The following UBAP2L variants were observed in gnomAD, a reference collection of about 807,000 sequenced individuals.
UBAP2L encodes ubiquitin associated protein 2 like, also known as ubiquitin-associated protein 2-like.
A neutral mutation model predicts 130.6 loss-of-function variants in UBAP2L; 12 were observed. The observed-to-expected ratio is 0.09, with a 90% CI of 0.06 to 0.15. The LOEUF is 0.15. UBAP2L is among the 10% of genes least tolerant of loss of function. The pLI is 1.00. For synonymous variants in UBAP2L, 503 were observed against 524.7 expected, an observed-to-expected ratio of 0.96 and a Z score of 0.57; for missense variants, 965 against 1,332.5, an observed-to-expected ratio of 0.72 and a Z score of 4.29.
In UBAP2L at chr1:154,259,021, A is replaced by G. The variant is rs771492252; in HGVS notation, c.2487A>G (p.Arg829=). The change falls in exon 21 of 27, where the codon AGA becomes AGG. Residue 829 remains arginine, a synonymous_variant. Coordinates refer to ENST00000428931, the MANE Select transcript of UBAP2L (RefSeq NM_014847.4). ...GYDDLQMLQT[R]FPLDYYSIPF... is the part of the protein sequence containing the mutation. ...ATGACTTGCAGATGCTTCAGACAAG[A>G]TTTCCATTGGTGAGTATGTGGGATA... is the stretch of plus-strand genomic sequence containing the variant. 6.2e-7 allele frequency: 1 copy of G among 1,613,958 alleles called. No homozygotes were observed.
At chr1:154,270,880 G>C (rs1207165187), downstream of UBAP2L, 1 of 1,541,088 alleles carries the variant, frequency 6.5e-7, no homozygotes. Context: ...GCTCCGTCTA[G>C]GACATCCTCA....
rs778505354 is a variant in UBAP2L, at chr1:154,261,049, A to G, written c.2736A>G (p.Pro912=). The part of the protein sequence containing the change: ...LPPGYSYTSL[P]YYTGVPGLPS... ...CTGGCTACAGTTACACCAGCCTGCC[A>G]TACTATACAGGGGTCCCGGGCCTCC... is the stretch of plus-strand genomic sequence containing the variant. Residue 912 remains proline (P), a synonymous_variant, in exon 23 of 27, where the codon CCA becomes CCG. Coordinates refer to ENST00000428931, the MANE Select transcript of UBAP2L (RefSeq NM_014847.4). 1.6e-5 allele frequency: 26 copies of G among 1,614,086 alleles called. No homozygotes were observed. Among genetic ancestry groups the G allele is most frequent in the Admixed American group, 6.7e-5 (4 of 60,002 alleles).
Position 154,231,620 on chromosome 1 carries a change from A to C in UBAP2L, c.279+2895A>C, listed in dbSNP as rs1322192558. On this transcript the variant is annotated intron_variant, in intron 4 of 26. Coordinates refer to ENST00000428931, the MANE Select transcript of UBAP2L (RefSeq NM_014847.4). Reference sequence around the variant, plus strand: ...CCGGCCCTGTTTTCTATTTCTATGAATTTGCCTGTTTTAGAGATCTCATGT... The same window carrying C: ...CCGGCCCTGTTTTCTATTTCTATGACTTTGCCTGTTTTAGAGATCTCATGT... Among the ~76,000 whole-genome samples, 5 of 152,056 alleles carry C rather than the reference A, an allele frequency of 3.3e-5. No homozygotes were observed. The East Asian group carries it at 9.7e-4, about 29-fold the overall frequency.
intron 25 of UBAP2L, among the ~76,000 whole-genome samples, 162 bp from the exon 26 acceptor site, chr1:154,268,595 G>A (rs1487989423): frequency 1.3e-5 from 2 of 152,202 alleles, no homozygotes; most frequent in Non-Finnish European, 2.9e-5. Context: ...TCTTAAATAA[G>A]AGCAGAGCTG....
At chr1:154,259,199 CT>C (rs34806160) in intron 21 of UBAP2L, among the ~76,000 whole-genome samples, 169 bp downstream of exon 21, 4 of 149,740 alleles carry the variant, frequency 2.7e-5, no homozygotes, top group East Asian at 2.0e-4. Context: ...CAGAAGATAA[CT>C]TTTTTTTTTG....
intron 25 of UBAP2L, among the ~76,000 whole-genome samples, chr1:154,267,716 ACTC>A (rs1447891207): frequency 1.3e-5 from 2 of 150,754 alleles, no homozygotes; most frequent in Non-Finnish European, 3.0e-5. Context: ...CTCGTCTCGA[ACTC>A]CTGGGCTCAA....
At chr1:154,222,990 A>G (rs180698772) in intron 1 of UBAP2L, among the ~76,000 whole-genome samples, 3 of 152,328 alleles carry the variant, frequency 2.0e-5, no homozygotes, top group Non-Finnish European at 2.9e-5. Flanking sequence ...AGAGCAAGTA[A>G]GTAACAAGAT....
chr1:154,261,485 C>A, intron 23 of UBAP2L, 107 bp from the exon 24 acceptor site: 2 of 1,048,846 alleles, frequency 1.9e-6, no homozygotes, highest in Non-Finnish European at 1.5e-6. Context: ...AGTCAACTTG[C>A]ATCAGGATAG....
intron 6 of UBAP2L, among the ~76,000 whole-genome samples, chr1:154,236,023 C>T (rs1671554963): frequency 6.6e-6 from 1 of 152,168 alleles, no homozygotes; most frequent in African/African-American, 2.4e-5. Flanking sequence ...GTCATTTCCT[C>T]TAGTCTTTAT....
chr1:154,244,500 G>T (rs780319250), intron 10 of UBAP2L, among the ~76,000 whole-genome samples: 19 of 152,014 alleles, frequency 1.2e-4, no homozygotes, highest in Admixed American at 3.3e-4. Context: ...AGCCTCCCTA[G>T]TATCTGGGAT....
chr1:154,248,940 A>G lies in UBAP2L; in HGVS notation c.1015-299A>G, dbSNP rs142343291. On this transcript the variant is annotated intron_variant, in intron 11 of 26. Transcript: ENST00000428931. ...GTTTTTTTAGTGATTACTATGTGCC[A>G]TACATGTATTAAGTGCTTTAATTTA... is the stretch of plus-strand genomic sequence containing the variant. Among the ~76,000 whole-genome samples, 124 of 152,328 alleles carry G rather than the reference A, an allele frequency of 8.1e-4. 1 individual carries two copies. The East Asian group carries it at 0.014, about 17-fold the overall frequency.
At chr1:154,271,126 A>ACATCTACAGC, downstream of UBAP2L, 1 of 628,222 alleles carries the variant, frequency 1.6e-6, no homozygotes, top group Non-Finnish European at 2.7e-6. Context: ...AGAAACTGCT[A>ACATCTACAGC]CATCTACAGC....
At chr1:154,242,401 GGT>G (rs1280568948) in intron 9 of UBAP2L, among the ~76,000 whole-genome samples, 1 of 152,130 alleles carries the variant, frequency 6.6e-6, no homozygotes, top group Non-Finnish European at 1.5e-5. Flanking sequence ...AGCATCACAG[GGT>G]GATTATTTTC....
chr1:154,243,712 C>T (rs900596913), intron 10 of UBAP2L, among the ~76,000 whole-genome samples: 2 of 152,208 alleles, frequency 1.3e-5, no homozygotes, highest in Non-Finnish European at 2.9e-5. Flanking sequence ...CCGCCCACCT[C>T]TGCCTCCCGA....
chr1:154,255,267 C>G lies in UBAP2L; in HGVS notation c.2025C>G (p.Ser675=). The part of the protein sequence containing the change: ...LLTTTNQHSS[S]LGGLSHSEEI... ...CGACAACCAATCAGCATTCATCCTC[C>G]TTGGGTGGCTTGAGCCACAGTGAGG... The change falls in exon 17 of 27, where the codon TCC becomes TCG. Residue 675 remains serine (S), a synonymous_variant. Transcript: ENST00000428931. 1 of 1,614,202 alleles carries G rather than the reference C, an allele frequency of 6.2e-7. No individual in the cohort carries two copies. The highest frequency in any genetic ancestry group is 1.1e-5 in the South Asian group (1 of 91,088).
chr1:154,221,835 G>A (rs1271567415), intron 1 of UBAP2L, among the ~76,000 whole-genome samples: 1 of 152,236 alleles, frequency 6.6e-6, no homozygotes, highest in African/African-American at 2.4e-5. Context: ...TATTTGGGAA[G>A]CTGGACATGG....
intron 11 of UBAP2L, among the ~76,000 whole-genome samples, chr1:154,247,042 T>C (rs1271161652): frequency 6.6e-6 from 1 of 152,226 alleles, no homozygotes; most frequent in African/African-American, 2.4e-5. Flanking sequence ...TAAACAAAGA[T>C]GCTACAAGTA....
chr1:154,221,707 G>C (rs1245798120), intron 1 of UBAP2L, among the ~76,000 whole-genome samples: 2 of 152,208 alleles, frequency 1.3e-5, no homozygotes, highest in Admixed American at 6.5e-5. Context: ...CAGGCTCTTT[G>C]TCAGCTCCTC....
intron 19 of UBAP2L, 22 bp from the exon 20 acceptor site, chr1:154,257,324 A>T: frequency 6.2e-7 from 1 of 1,614,206 alleles, no homozygotes; most frequent in East Asian, 2.2e-5. Flanking sequence ...GTGATGGGAT[A>T]AAAATGTAAT....
Sources: allele counts gnomAD v4.1 joint callset (sites outside exome capture counted in the v4.1 genomes callset), GRCh38; gene constraint gnomAD v4.1.1; transcripts MANE v1.5; gene names NCBI Gene and HGNC (gene_info 2026-07-23, HGNC 2026-07-21).